WDPCP: variants seen among roughly 807,000 people sequenced by gnomAD.
The protein encoded by WDPCP is WD repeat containing planar cell polarity effector, also known as WD repeat-containing and planar cell polarity effector protein fritz homolog.
WDPCP carries 71 observed loss-of-function variants against 93.1 expected under a neutral mutation model. That is an observed-to-expected ratio of 0.76 (90% CI 0.63 to 0.93). The LOEUF (loss-of-function observed/expected upper bound fraction) is 0.93, where lower values mean the gene tolerates loss of function less well. Among genes scored for constraint, WDPCP ranks in the 40% least tolerant of loss-of-function variants. The pLI, the probability that WDPCP is intolerant of heterozygous loss-of-function variation, is 0.00. For synonymous variants in WDPCP, 315 were observed against 315.0 expected (o/e 1.00, Z 0.00); for missense variants, 844 against 887.4 (o/e 0.95, Z 0.62).
At chr2:63,281,402 A>C (rs1683533433) in intron 13 of WDPCP, among the ~76,000 whole-genome samples, 1 of 152,242 alleles carries the variant, frequency 6.6e-6, no homozygotes, top group Admixed American at 6.5e-5. Context: ...TAGTACAACC[A>C]CTGTGGAAAA....
At chr2:63,493,596 TC>T (rs1701026892) in intron 1 of WDPCP, among the ~76,000 whole-genome samples, 1 of 151,688 alleles carries the variant, frequency 6.6e-6, no homozygotes, top group Non-Finnish European at 1.5e-5. Context: ...CATCCTGTCT[TC>T]CCCCTAGCAG....
At chr2:63,346,093 GGT>G (rs1397465501) in intron 12 of WDPCP, among the ~76,000 whole-genome samples, 2 of 152,182 alleles carry the variant, frequency 1.3e-5, no homozygotes, top group African/African-American at 2.4e-5. Flanking sequence ...TTTATGTGGA[GGT>G]ACTTTTTCAG....
intron 13 of WDPCP, among the ~76,000 whole-genome samples, chr2:63,286,240 C>A (rs549923041): frequency 6.6e-6 from 1 of 152,262 alleles, no homozygotes; most frequent in East Asian, 1.9e-4. Flanking sequence ...GCCATCATAT[C>A]CCCTGTGACC....
intron 15 of WDPCP, among the ~76,000 whole-genome samples, chr2:63,170,267 T>A (rs1462729449): frequency 6.6e-6 from 1 of 151,320 alleles, no homozygotes; most frequent in Non-Finnish European, 1.5e-5. Context: ...TTTTTCTTTT[T>A]CTTTCTTTCT....
At chr2:63,813,646 G>A (rs1670889943) in exon 2 of WDPCP, 2 of 152,190 alleles carry the variant, frequency 1.3e-5, no homozygotes, top group Admixed American at 1.3e-4. Context: ...AATATGCTCT[G>A]TTAGAATGTG....
chr2:63,270,139 T>C (rs1283922240), intron 13 of WDPCP, among the ~76,000 whole-genome samples: 2 of 152,228 alleles, frequency 1.3e-5, no homozygotes, highest in African/African-American at 4.8e-5. Context: ...AGTAATCAAT[T>C]GTTAACATTT....
intron 12 of WDPCP, among the ~76,000 whole-genome samples, chr2:63,328,074 G>T (rs914460267): frequency 2.0e-5 from 3 of 152,158 alleles, no homozygotes; most frequent in Non-Finnish European, 4.4e-5. Flanking sequence ...AGCCAGCTGG[G>T]CTTCTGGGTT....
chr2:63,395,317 C>A (rs1355417992), intron 10 of WDPCP, among the ~76,000 whole-genome samples: 1 of 152,112 alleles, frequency 6.6e-6, no homozygotes, highest in Non-Finnish European at 1.5e-5. Context: ...TGGGCTTTTA[C>A]TGTACCTATC....
chr2:63,475,655 A>C (rs1489896983), intron 6 of WDPCP, among the ~76,000 whole-genome samples: 1 of 152,120 alleles, frequency 6.6e-6, no homozygotes, highest in Non-Finnish European at 1.5e-5. Flanking sequence ...TAAGTAGTTA[A>C]ATATTAAAAC....
At chr2:63,493,518 C>G (rs1329806371) in intron 1 of WDPCP, among the ~76,000 whole-genome samples, 1 of 150,754 alleles carries the variant, frequency 6.6e-6, no homozygotes, top group Admixed American at 6.6e-5. Context: ...ATCTGCATGT[C>G]ATGATGGATC....
intron 10 of WDPCP, among the ~76,000 whole-genome samples, chr2:63,401,126 G>A (rs9749852): frequency 0.42 from 63,202 of 151,916 alleles, 13,398 homozygotes; most frequent in Non-Finnish European, 0.43. Flanking sequence ...AATTGCAACA[G>A]AAGCCAAAAT....
intron 3 of WDPCP, chr2:63,622,134 T>G: frequency 1.3e-6 from 2 of 1,487,410 alleles, no homozygotes; most frequent in Non-Finnish European, 1.8e-6. Flanking sequence ...GCAGAGGGGC[T>G]AAGCCTAGCT....
intron 9 of WDPCP, among the ~76,000 whole-genome samples, chr2:63,417,603 CAAG>C (rs1417309637): frequency 1.3e-5 from 2 of 151,086 alleles, no homozygotes; most frequent in African/African-American, 2.4e-5. Context: ...AAACAAGAAA[CAAG>C]AATAAGCATA....
chr2:63,688,552 A>G (rs942661488), intron 2 of WDPCP, among the ~76,000 whole-genome samples: 2 of 106,158 alleles, frequency 1.9e-5, no homozygotes, highest in African/African-American at 8.8e-5. Context: ...AATAAGAACT[A>G]GTATTTGCTA....
intron 1 of WDPCP, among the ~76,000 whole-genome samples, chr2:63,558,942 A>G (rs966466848): frequency 1.4e-4 from 21 of 152,240 alleles, no homozygotes; most frequent in African/African-American, 4.6e-4. Flanking sequence ...TGATGCCAGC[A>G]TCATCCTGAT....
intron 10 of WDPCP, among the ~76,000 whole-genome samples, chr2:63,392,865 A>G (rs1487501043): frequency 6.6e-6 from 1 of 152,242 alleles, no homozygotes; most frequent in Non-Finnish European, 1.5e-5. Flanking sequence ...TATAATGGCG[A>G]TCATTAAAAA....
chr2:63,760,578 C>A (rs1267753732), intron 2 of WDPCP, among the ~76,000 whole-genome samples: 1 of 152,040 alleles, frequency 6.6e-6, no homozygotes, highest in Admixed American at 6.6e-5. Context: ...ACTTAAATCT[C>A]ATTTTCCCCT....
At chr2:63,701,607 A>G (rs1575751292) in intron 2 of WDPCP, among the ~76,000 whole-genome samples, 1 of 152,254 alleles carries the variant, frequency 6.6e-6, no homozygotes, top group Non-Finnish European at 1.5e-5. Context: ...CTAAGTGCCC[A>G]TTAATGGATG....
chr2:63,451,222 T>A (rs1054302628), intron 6 of WDPCP, among the ~76,000 whole-genome samples: 2 of 151,810 alleles, frequency 1.3e-5, no homozygotes, highest in African/African-American at 4.8e-5. Context: ...GTCAAAAGCA[T>A]CAGTAATGAA....
Sources: gnomAD v4.1 joint callset for allele counts (sites outside exome capture counted in the v4.1 genomes callset) on GRCh38, gnomAD v4.1.1 for gene constraint, MANE v1.5 for transcripts, NCBI Gene and HGNC (gene_info 2026-07-23, HGNC 2026-07-21) for gene names.